Variants in SH3RF3 observed in about 807,000 individuals in gnomAD.
SH3RF3 encodes the protein E3 ubiquitin-protein ligase SH3RF3.
A neutral mutation model predicts 66.3 loss-of-function variants in SH3RF3; 29 were observed. That is an observed-to-expected ratio of 0.44 (90% confidence interval 0.33 to 0.60). SH3RF3 has a LOEUF of 0.60. Among genes scored for constraint, SH3RF3 ranks in the 20% least tolerant of loss-of-function variants. The pLI is 0.04. For missense variants in SH3RF3, 1,194 were observed against 1,190.9 expected (o/e 1.00, Z -0.04); for synonymous variants, 583 against 532.0 (o/e 1.10, Z -1.32).
chr2:109,351,716 C>T (rs1434664391), intron 2 of SH3RF3, among the ~76,000 whole-genome samples: 1 of 152,186 alleles, frequency 6.6e-6, no homozygotes, highest in South Asian at 2.1e-4. Flanking sequence ...GCAGCGGGGC[C>T]CCCAGGCTTG....
chr2:109,370,958 T>A (rs79621920), intron 2 of SH3RF3, among the ~76,000 whole-genome samples: 19,747 of 152,294 alleles, frequency 0.13, 1,433 homozygotes, highest in Middle Eastern at 0.24. Flanking sequence ...CTTTTCTACT[T>A]AGCTGAATTT....
At chr2:109,288,815 C>CTTTTTTTTTTTT (rs1559003628) in intron 1 of SH3RF3, among the ~76,000 whole-genome samples, 1 of 152,254 alleles carries the variant, frequency 6.6e-6, no homozygotes, top group African/African-American at 2.4e-5. Flanking sequence ...AAATCACTTT[C>CTTTTTTTTTTTT]TTATTTAGTA....
intron 1 of SH3RF3, among the ~76,000 whole-genome samples, chr2:109,152,677 A>G (rs549180180): frequency 6.6e-6 from 1 of 152,336 alleles, no homozygotes; most frequent in South Asian, 2.1e-4. Context: ...TCATGGTTTC[A>G]AGACTGCTGA....
At chr2:109,150,349 G>C (rs1216987793) in intron 1 of SH3RF3, among the ~76,000 whole-genome samples, 1 of 152,142 alleles carries the variant, frequency 6.6e-6, no homozygotes, top group African/African-American at 2.4e-5. Flanking sequence ...GGCCGAGGCA[G>C]GTGGTACAAG....
intron 1 of SH3RF3, among the ~76,000 whole-genome samples, chr2:109,249,721 C>T (rs1045041148): frequency 6.6e-6 from 1 of 151,390 alleles, no homozygotes; most frequent in African/African-American, 2.4e-5. Flanking sequence ...GATCTCAGCT[C>T]ACTGCAAGCT....
rs530761921 is a variant in SH3RF3, at chr2:109,174,005, T to A, written c.573+43892T>A. The stretch of plus-strand genomic sequence containing the variant: ...GACTGGCATTGGTGGCGGAAAGCAC[T>A]GGGCTCAGTCCTTGATTCAGAGAAC... On this transcript the variant is annotated intron_variant, in intron 1 of 9. Transcript: ENST00000309415. Among the ~76,000 whole-genome samples, 3 of 152,340 alleles carry A rather than the reference T, an allele frequency of 2.0e-5. No individual in the cohort carries two copies. In the South Asian group the frequency reaches 6.2e-4, roughly 32 times the overall value.
intron 8 of SH3RF3, among the ~76,000 whole-genome samples, chr2:109,471,599 T>C (rs1678512162): frequency 6.6e-6 from 1 of 152,152 alleles, no homozygotes; most frequent in Non-Finnish European, 1.5e-5. Context: ...TTGGAACAGC[T>C]CATGTAGGCC....
chr2:109,436,986 T>C lies in SH3RF3; in HGVS notation c.1668T>C (p.Ser556=). The change falls in exon 7 of 10, where the codon AGT becomes AGC. Residue 556 remains serine (S), a synonymous_variant. Coordinates refer to ENST00000309415, the MANE Select transcript of SH3RF3 (RefSeq NM_001099289.3). ...KGITTTMHPG[S]GSLSSLATAT... ...TAACCACAACCATGCACCCAGGCAG[T>C]GGGAGTCTGAGCAGCCTGGCCACTG... 6.2e-7 allele frequency: 1 copy of C among 1,613,860 alleles called. No individual in the cohort carries two copies. Among genetic ancestry groups the C allele is most frequent in the South Asian group, 1.1e-5 (1 of 91,084 alleles).
chr2:109,161,069 T>C (rs1265726456), intron 1 of SH3RF3, among the ~76,000 whole-genome samples: 1 of 152,114 alleles, frequency 6.6e-6, no homozygotes, highest in Non-Finnish European at 1.5e-5. Flanking sequence ...AGGGTGCTTG[T>C]GATCACAAGG....
At chr2:109,344,004 A>G (rs1289865895) in intron 1 of SH3RF3, among the ~76,000 whole-genome samples, 1 of 152,124 alleles carries the variant, frequency 6.6e-6, no homozygotes, top group Non-Finnish European at 1.5e-5. Context: ...TCAGCCTCCC[A>G]AAGTGCTAAG....
intron 5 of SH3RF3, among the ~76,000 whole-genome samples, chr2:109,419,879 T>A (rs1187825936): frequency 2.0e-5 from 3 of 152,220 alleles, no homozygotes; most frequent in African/African-American, 2.4e-5. Flanking sequence ...ATATTCAGAG[T>A]ATTCACAGTG....
chr2:109,300,821 C>T (rs147856334), intron 1 of SH3RF3, among the ~76,000 whole-genome samples: 1 of 152,340 alleles, frequency 6.6e-6, no homozygotes, highest in African/African-American at 2.4e-5. Flanking sequence ...GTCATTACCA[C>T]AGTCTTTGCC....
chr2:109,499,544 G>A (rs1369893845), intron 9 of SH3RF3, among the ~76,000 whole-genome samples: 2 of 152,324 alleles, frequency 1.3e-5, no homozygotes, highest in East Asian at 3.9e-4. Flanking sequence ...CCCCTGTGGA[G>A]TTTCCCCAGG....
chr2:109,453,940 G>A (rs911428091), intron 8 of SH3RF3, among the ~76,000 whole-genome samples: 1 of 152,198 alleles, frequency 6.6e-6, no homozygotes, highest in African/African-American at 2.4e-5. Context: ...GGGAGAGGTA[G>A]CAGGCAGCCC....
intron 9 of SH3RF3, 148 bp downstream of exon 9, chr2:109,491,084 C>T: frequency 1.4e-6 from 1 of 714,510 alleles, no homozygotes; most frequent in Non-Finnish European, 2.1e-6. Flanking sequence ...TGGTCCCGAG[C>T]TTGGGTGGTG....
chr2:109,463,437 G>A (rs1305031594), intron 8 of SH3RF3, among the ~76,000 whole-genome samples: 1 of 152,212 alleles, frequency 6.6e-6, no homozygotes, highest in African/African-American at 2.4e-5. Flanking sequence ...AGTTCCCACT[G>A]TAAGGTCCGG....
rs895481906 is a variant in SH3RF3 at position 109,212,107 on chromosome 2, C to T, written c.573+81994C>T. Among the ~76,000 whole-genome samples the T allele has an allele frequency of 3.3e-5, 5 of 152,180 alleles. No individual in the cohort carries two copies. In the East Asian group the frequency reaches 5.8e-4, roughly 18 times the overall value. The stretch of plus-strand genomic sequence containing the variant: ...TAAGCTGGTGAATGGGTGGTTGGTG[C>T]GGCTTGCCGGGCAATGGTCCGAATC... On this transcript the variant is annotated intron_variant, in intron 1 of 9. Transcript: ENST00000309415.
At chr2:109,134,674 G>GT (rs1486794908) in intron 1 of SH3RF3, among the ~76,000 whole-genome samples, 1 of 152,102 alleles carries the variant, frequency 6.6e-6, no homozygotes. Flanking sequence ...TAATGAGGGT[G>GT]TTTTTTGGAA....
intron 8 of SH3RF3, among the ~76,000 whole-genome samples, chr2:109,476,536 A>G (rs887921149): frequency 6.6e-6 from 1 of 152,234 alleles, no homozygotes; most frequent in African/African-American, 2.4e-5. Context: ...CTAGCATGTC[A>G]AAGGCTAAAA....
Sources: gnomAD v4.1 joint callset for allele counts (sites outside exome capture counted in the v4.1 genomes callset) on GRCh38, gnomAD v4.1.1 for gene constraint, MANE v1.5 for transcripts, NCBI Gene and HGNC (gene_info 2026-07-23, HGNC 2026-07-21) for gene names.